Variants in CACNA2D1 observed in about 807,000 individuals in gnomAD.
CACNA2D1 encodes the protein calcium voltage-gated channel auxiliary subunit alpha2delta 1.
A neutral mutation model predicts 171.5 loss-of-function variants in CACNA2D1; 53 were observed. That is an observed-to-expected ratio of 0.31 (90% CI 0.25 to 0.39). CACNA2D1 has a LOEUF of 0.39. Ranked by LOEUF, CACNA2D1 falls within the 10% of genes least tolerant of loss-of-function variation. The pLI, the probability that CACNA2D1 is intolerant of heterozygous loss-of-function variation, is 1.00. For synonymous variants in CACNA2D1, 442 were observed against 443.1 expected (o/e 1.00, Z 0.03); for missense variants, 903 against 1,299.8 (o/e 0.69, Z 4.69).
intron 4 of CACNA2D1, among the ~76,000 whole-genome samples, chr7:82,142,413 T>C (rs1018575869): frequency 1.7e-4 from 26 of 152,164 alleles, no homozygotes; most frequent in Admixed American, 9.8e-4. Flanking sequence ...ATGTATATTG[T>C]GAGTGACAGC....
At chr7:82,133,700 T>C (rs902327944) in intron 5 of CACNA2D1, among the ~76,000 whole-genome samples, 7 of 152,218 alleles carry the variant, frequency 4.6e-5, no homozygotes, top group Non-Finnish European at 8.8e-5. Context: ...AATTGTGTTA[T>C]ATCAGCTCAA....
chr7:82,102,830 T>C (rs1357200827), intron 6 of CACNA2D1, among the ~76,000 whole-genome samples: 1 of 152,154 alleles, frequency 6.6e-6, no homozygotes, highest in East Asian at 1.9e-4. Context: ...AAAGGGTGCA[T>C]AATCCTATGT....
chr7:81,997,500 A>G (rs1453490668), intron 18 of CACNA2D1, among the ~76,000 whole-genome samples: 1 of 151,638 alleles, frequency 6.6e-6, no homozygotes, highest in African/African-American at 2.4e-5. Context: ...GCTGTATTTG[A>G]TACTGCATTT....
At chr7:82,005,397 T>A in intron 18 of CACNA2D1, 26 bp downstream of exon 18, 2 of 1,337,324 alleles carry the variant, frequency 1.5e-6, no homozygotes, top group Non-Finnish European at 2.1e-6. Context: ...AAAACACTAA[T>A]CACTGTAAAC....
intron 2 of CACNA2D1, among the ~76,000 whole-genome samples, chr7:82,346,036 C>G (rs1240042434): frequency 6.6e-6 from 1 of 152,106 alleles, no homozygotes; most frequent in African/African-American, 2.4e-5. Flanking sequence ...TAAGTTCTAA[C>G]CACTGGAATG....
intron 29 of CACNA2D1, among the ~76,000 whole-genome samples, chr7:81,968,614 GATT>G (rs1794948222): frequency 6.6e-6 from 1 of 151,154 alleles, no homozygotes; most frequent in Admixed American, 6.6e-5. Flanking sequence ...TAAAAATTTT[GATT>G]ATTATACTAA....
At chr7:81,968,662 T>A (rs1299766026) in intron 29 of CACNA2D1, among the ~76,000 whole-genome samples, 2 of 151,388 alleles carry the variant, frequency 1.3e-5, no homozygotes, top group African/African-American at 4.8e-5. Flanking sequence ...AGTATAAACA[T>A]ACACACTGTT....
intron 5 of CACNA2D1, among the ~76,000 whole-genome samples, chr7:82,127,846 C>T (rs969889544): frequency 2.0e-5 from 3 of 152,066 alleles, no homozygotes; most frequent in African/African-American, 7.2e-5. Flanking sequence ...GCCATATGTG[C>T]CTTCTATCCT....
chr7:81,959,677 A>G, intron 37 of CACNA2D1, 43 bp downstream of exon 37: 3 of 1,572,498 alleles, frequency 1.9e-6, no homozygotes, highest in Non-Finnish European at 2.6e-6. Flanking sequence ...AAAATGCATT[A>G]AGATGGTTTT....
At chr7:82,132,723 A>G (rs1791139797) in intron 5 of CACNA2D1, among the ~76,000 whole-genome samples, 1 of 152,206 alleles carries the variant, frequency 6.6e-6, no homozygotes, top group African/African-American at 2.4e-5. Context: ...GAATGTTCCT[A>G]GAGAGGAATC....
At chr7:82,137,556 T>TAA (rs1446470188) in intron 4 of CACNA2D1, among the ~76,000 whole-genome samples, 1 of 151,978 alleles carries the variant, frequency 6.6e-6, no homozygotes. Flanking sequence ...CCCTGCCTCT[T>TAA]AAACATCCAA....
chr7:82,420,197 T>C (rs1828587573), intron 1 of CACNA2D1, among the ~76,000 whole-genome samples: 2 of 152,248 alleles, frequency 1.3e-5, no homozygotes, highest in Admixed American at 1.3e-4. Flanking sequence ...GTTTCTCTGA[T>C]ACGATTCTCC....
chr7:82,287,627 C>T (rs6956583), intron 3 of CACNA2D1, among the ~76,000 whole-genome samples: 12,234 of 152,146 alleles, frequency 0.08, 1,627 homozygotes, highest in African/African-American at 0.28. Flanking sequence ...TTATGATGCA[C>T]TTTCTACTTT....
intron 3 of CACNA2D1, among the ~76,000 whole-genome samples, chr7:82,214,424 C>G (rs1246556521): frequency 6.6e-6 from 1 of 150,988 alleles, no homozygotes. Context: ...GGGGAAGGAG[C>G]AAGCCCATGC....
intron 7 of CACNA2D1, among the ~76,000 whole-genome samples, chr7:82,083,674 T>C (rs1162013750): frequency 6.6e-6 from 1 of 152,168 alleles, no homozygotes; most frequent in African/African-American, 2.4e-5. Flanking sequence ...CCTAGTGTGT[T>C]GGACTTATGC....
chr7:82,155,201 A>C (rs555509140), intron 4 of CACNA2D1, among the ~76,000 whole-genome samples: 1 of 152,262 alleles, frequency 6.6e-6, no homozygotes, highest in Non-Finnish European at 1.5e-5. Flanking sequence ...ATGGAACCAT[A>C]AGCCAGTTAA....
At chr7:82,050,993 C>G in intron 10 of CACNA2D1, 1 of 253,764 alleles carries the variant, frequency 3.9e-6, no homozygotes, top group Non-Finnish European at 7.8e-6. Context: ...AAGAATGAGT[C>G]AAACCAGATG....
At chr7:82,285,109 CAT>C (rs1413584361) in intron 3 of CACNA2D1, among the ~76,000 whole-genome samples, 2 of 152,170 alleles carry the variant, frequency 1.3e-5, no homozygotes, top group South Asian at 2.1e-4. Flanking sequence ...AATCACTGCA[CAT>C]AGACATGTAA....
chr7:82,108,749 GAT>G (rs1199992153), intron 6 of CACNA2D1, among the ~76,000 whole-genome samples: 1 of 152,120 alleles, frequency 6.6e-6, no homozygotes, highest in Non-Finnish European at 1.5e-5. Context: ...ATTTTAAAAA[GAT>G]AGTGAAAGTA....
Sources: allele counts gnomAD v4.1 joint callset (sites outside exome capture counted in the v4.1 genomes callset), GRCh38; gene constraint gnomAD v4.1.1; transcripts MANE v1.5; gene names NCBI Gene and HGNC (gene_info 2026-07-23, HGNC 2026-07-21).